The following TTN variants were observed in gnomAD, a reference collection of about 807,000 sequenced individuals.
The protein encoded by TTN is connectin.
TTN carries 1,525 observed loss-of-function variants against 3,223.0 expected under a neutral mutation model. The observed-to-expected ratio is 0.47, with a 90% CI of 0.45 to 0.49. The LOEUF (loss-of-function observed/expected upper bound fraction) is 0.49. TTN is among the 20% of genes least tolerant of loss of function. The probability of loss-of-function intolerance (pLI) is 0.00; values close to 1 mark genes in which losing one functional copy is unlikely to be tolerated. For missense variants in TTN, 40,786 were observed against 43,424.0 expected, an observed-to-expected ratio of 0.94 and a Z score of 5.40; for synonymous variants, 14,094 against 15,161.0, an observed-to-expected ratio of 0.93 and a Z score of 5.17.
At position 178,575,593 on chromosome 2, in the gene TTN, A is replaced by G; in HGVS notation, c.70539T>C (p.Asn23513=). ...CEYFFRVMAE[N]EYGIGEPTET... is the part of the protein sequence containing the mutation. ...CTGTTGGCTCACCAATTCCATATTCATTCTCTGCCATCACTCTGAAGAAAT... is the reference window on the plus strand; with the variant it reads ...CTGTTGGCTCACCAATTCCATATTCGTTCTCTGCCATCACTCTGAAGAAAT... The change falls in exon 326 of 363, where the codon AAT becomes AAC. Residue 23513 remains asparagine (N), a synonymous_variant. Transcript: ENST00000589042. This position sits in a 1 kb window ranked among gnomAD's most constrained non-coding sequence, Gnocchi z 4.0. 2.5e-6 allele frequency: 4 copies of G among 1,613,538 alleles called. No homozygotes were observed. The highest frequency in any genetic ancestry group is 3.4e-6 in the Non-Finnish European group (4 of 1,179,644).
intron 38 of TTN, among the ~76,000 whole-genome samples, chr2:178,768,365 T>G (rs961737417): frequency 6.6e-6 from 1 of 152,214 alleles, no homozygotes; most frequent in African/African-American, 2.4e-5. Context: ...ACTTTTCTAT[T>G]GTCTCCCCTG....
chr2:178,592,063 G>A lies in TTN; in HGVS notation c.59841C>T (p.Tyr19947=), dbSNP rs1413760246. 3 of 1,613,052 alleles carry A rather than the reference G, an allele frequency of 1.9e-6. No individual in the cohort carries two copies. Among genetic ancestry groups the A allele is most frequent in the South Asian group, 2.2e-5 (2 of 91,044 alleles). Residue 19947 remains tyrosine, a synonymous_variant, in exon 302 of 363, where the codon TAC becomes TAT. Coordinates refer to ENST00000589042, the MANE Select transcript of TTN (RefSeq NM_001267550.2). The stretch of plus-strand genomic sequence containing the variant: ...GGTTCTCCGCAGCTACTCGGAAGAG[G>A]TACTGGTTGCCTTCATTCAGATGCT... ...FAKHLNEGNQ[Y]LFRVAAENQY... is the part of the protein sequence containing the mutation.
intron 357 of TTN, 23 bp from the exon 358 acceptor site, chr2:178,535,872 AAG>A (rs1361452677): frequency 4.0e-6 from 6 of 1,513,210 alleles, no homozygotes; most frequent in Non-Finnish European, 5.3e-6. Context: ...AAAAAAAAAA[AAG>A]AATATAATTT....
chr2:178,729,752 A>G lies in TTN; in HGVS notation c.18501T>C (p.Gly6167=). Residue 6167 remains glycine (G), a synonymous_variant, in exon 63 of 363, where the codon GGT becomes GGC. Coordinates refer to ENST00000589042, the MANE Select transcript of TTN (RefSeq NM_001267550.2). ...AAGTCCCACTATTTTCTACCCTGGC[A>G]CCAGAAATCTGGAAAGTGGCTAAAC... ...IDGLATFQIS[G]ARVENSGTYV... is the part of the protein sequence containing the mutation. 1 of 1,613,712 alleles carries G rather than the reference A, an allele frequency of 6.2e-7. No individual in the cohort carries two copies. The highest frequency in any genetic ancestry group is 1.7e-4 in the Middle Eastern group (1 of 6,052).
In TTN at chr2:178,649,074, C is replaced by T. The variant is rs1469473; in HGVS notation, c.40057+174G>A. Among the ~76,000 whole-genome samples, 147,581 of 152,198 alleles carry T rather than the reference C, an allele frequency of 0.97. 71,743 individuals carry two copies. The highest frequency in any genetic ancestry group is 1 in the East Asian group (5,161 of 5,162). On this transcript the variant is annotated intron_variant, in intron 213 of 362. Coordinates refer to ENST00000589042, the MANE Select transcript of TTN (RefSeq NM_001267550.2). ...TATATCACAGCACAACTGAATCCCA[C>T]TCATTTTTTCACTCCTGCTTGTCTG...
rs1457976398 is a variant in TTN, at chr2:178,587,499, G to A, written c.63793+17C>T. 1 of 1,605,082 alleles carries A rather than the reference G, an allele frequency of 6.2e-7. No homozygotes were observed. The highest frequency in any genetic ancestry group is 8.5e-7 in the Non-Finnish European group (1 of 1,176,072). ...TTCATTTTTGAAGTGGGAGGGAGAA[G>A]CATTTTAGTAACCCACCTAATACTC... On this transcript the variant is annotated intron_variant, in intron 306 of 362. Transcript: ENST00000589042.
Position 178,532,835 on chromosome 2 carries a change from G to T in TTN, c.103780C>A (p.Arg34594Ser). 6.2e-7 allele frequency: 1 copy of T among 1,613,906 alleles called. No homozygotes were observed. The highest frequency in any genetic ancestry group is 8.5e-7 in the Non-Finnish European group (1 of 1,179,858). The change falls in exon 358 of 363, where the codon CGC becomes AGC. Residue 34594 changes from arginine to serine, a missense_variant. Physicochemically the swap from Arg to Ser is moderately radical, Grantham distance 110. Coordinates refer to ENST00000589042, the MANE Select transcript of TTN (RefSeq NM_001267550.2). ...LDRVVQKRPK[R>S]IRLSRWEQFY... ...TGTTCCCATCTTGAAAGGCGGATGC[G>T]CTTGGGTCGTTTCTGTACAACTCTG...
Position 178,605,004 on chromosome 2 carries a change from A to G in TTN, c.54173T>C (p.Val18058Ala). 1 of 1,597,646 alleles carries G rather than the reference A, an allele frequency of 6.3e-7. No individual in the cohort carries two copies. Among genetic ancestry groups the G allele is most frequent in the South Asian group, 1.1e-5 (1 of 88,712 alleles). Residue 18058 changes from valine (V) to alanine (A), a missense_variant, in exon 280 of 363, where the codon GTT (valine) becomes GCT (alanine). Val to Ala is a moderately conservative substitution (Grantham distance 64). Coordinates refer to ENST00000589042, the MANE Select transcript of TTN (RefSeq NM_001267550.2). ...SNRLGSVFRN[V>A]HVEVYDRPSP... is the part of the protein sequence containing the mutation. ...TCACTTACCATATACTTCAACGTGAACATTTCGGAACACTGAGCCAAGGCG... is the reference window on the plus strand; with the variant it reads ...TCACTTACCATATACTTCAACGTGAGCATTTCGGAACACTGAGCCAAGGCG...
Position 178,776,222 on chromosome 2 carries a change from A to G in TTN, c.5642T>C (p.Ile1881Thr), listed in dbSNP as rs1426496038. The G allele has an allele frequency of 1.2e-6, 2 of 1,614,010 alleles. No homozygotes were observed. The highest frequency in any genetic ancestry group is 2.7e-5 in the African/African-American group (2 of 74,910). Residue 1881 changes from isoleucine (I) to threonine (T), a missense_variant, in exon 28 of 363, where the codon ATC becomes ACC. Physicochemically the swap from Ile to Thr is moderately conservative, Grantham distance 89 (BLOSUM62 -1). Coordinates refer to ENST00000589042, the MANE Select transcript of TTN (RefSeq NM_001267550.2). ...KVNWYLNGQLIRKSKRFRVRY... is the reference protein window; with the variant it reads ...KVNWYLNGQLTRKSKRFRVRY... ...AACTCTGAACCTTTTGCTTTTGCGGATGAGCTGTCCATTGAGGTACCAGTT... is the reference window on the plus strand; with the variant it reads ...AACTCTGAACCTTTTGCTTTTGCGGGTGAGCTGTCCATTGAGGTACCAGTT...
Position 178,601,367 on chromosome 2 carries a change from G to C in TTN, c.55630C>G (p.Leu18544Val), listed in dbSNP as rs924109444. Residue 18544 changes from leucine (L) to valine (V), a missense_variant, in exon 287 of 363, where the codon CTC becomes GTC. Physicochemically the swap from Leu to Val is conservative, Grantham distance 32 (BLOSUM62 1). Coordinates refer to ENST00000589042, the MANE Select transcript of TTN (RefSeq NM_001267550.2). ...GSTTFVVPDL[L>V]SEQQYFFRVR... is the part of the protein sequence containing the mutation. ...CGGAAGAAATATTGCTGTTCAGAGA[G>C]GAGATCAGGCACTACAAATGTGGTG... The C allele has an allele frequency of 1.9e-6, 3 of 1,612,508 alleles. No individual in the cohort carries two copies.
In TTN at chr2:178,561,544, T is replaced by G. The variant is rs773466308; in HGVS notation, c.84588A>C (p.Arg28196Ser). 27 of 1,613,198 alleles carry G rather than the reference T, an allele frequency of 1.7e-5. No individual in the cohort carries two copies. Among genetic ancestry groups the G allele is most frequent in the African/African-American group, 2.7e-5 (2 of 74,908 alleles). The change falls in exon 326 of 363, where the codon AGA becomes AGC. Residue 28196 changes from arginine to serine, a missense_variant. Physicochemically the swap from Arg to Ser is moderately radical, Grantham distance 110 (BLOSUM62 -1). Transcript: ENST00000589042. Reference sequence around the variant, plus strand: ...TTGCTTTTGACCAAAGAATGCTGCTTCTTTCTTTATACTCAAGATGATAGC... The same window carrying G: ...TTGCTTTTGACCAAAGAATGCTGCTGCTTTCTTTATACTCAAGATGATAGC... ...VIGYHLEYKERSSILWSKANK... is the reference protein window; with the variant it reads ...VIGYHLEYKESSSILWSKANK...
In TTN at chr2:178,542,514, A is replaced by C; in HGVS notation, c.97242T>G (p.Ala32414=). The C allele has an allele frequency of 6.2e-7, 1 of 1,611,578 alleles. No homozygotes were observed. ...GTTCCCAGGAAATGGTAATTGATGT[A>C]GCATCAATTTCATCAATCTTAATAG... ...TGPIKIDEID[A]TSITISWEPP... is the part of the protein sequence containing the mutation. Residue 32414 remains alanine (A), a synonymous_variant, in exon 349 of 363, where the codon GCT becomes GCG. Transcript: ENST00000589042.
rs58651353 is a variant in TTN, at chr2:178,752,043, GAA to G, written c.11311+1079_11311+1080del. ...GATTCCCCCTCAGAGAATAATTCTG[GAA>G]AAAAAAAAAAAAACCTTTACTATTT... On this transcript the variant is annotated intron_variant, in intron 47 of 362. Transcript: ENST00000589042. The G allele has an allele frequency of 0.13, 175,957 of 1,358,708 alleles. 2,092 individuals carry two copies. The highest frequency in any genetic ancestry group is 0.14 in the Middle Eastern group (722 of 5,120). 84.2% of individuals were successfully genotyped at this position (1,358,708 alleles called of 1,614,324 possible).
At position 178,535,324 on chromosome 2, in the gene TTN, G is replaced by T. The variant is rs773542514; in HGVS notation, c.101291C>A (p.Ala33764Asp). 3 of 1,613,720 alleles carry T rather than the reference G, an allele frequency of 1.9e-6. No individual in the cohort carries two copies. The highest frequency in any genetic ancestry group is 1.6e-4 in the Middle Eastern group (1 of 6,084). The change falls in exon 358 of 363, where the codon GCT (alanine) becomes GAT (aspartate). Residue 33764 changes from alanine to aspartate, a missense_variant. Ala to Asp is a moderately radical substitution (Grantham distance 126). Coordinates refer to ENST00000589042, the MANE Select transcript of TTN (RefSeq NM_001267550.2). ...GKTSYQFRVIAENKFGLSKPS... is the reference protein window; with the variant it reads ...GKTSYQFRVIDENKFGLSKPS... ...CTTGCTCAGACCAAATTTATTTTCAGCTATTACCCGGAACTGGTAACTTGT... is the reference window on the plus strand; with the variant it reads ...CTTGCTCAGACCAAATTTATTTTCATCTATTACCCGGAACTGGTAACTTGT...
intron 311 of TTN, 98 bp downstream of exon 311, chr2:178,584,178 C>T (rs2048400931): frequency 2.9e-6 from 4 of 1,357,896 alleles, no homozygotes; most frequent in Admixed American, 2.3e-5. Context: ...ATCTCTACTA[C>T]TCTCTGTGTC....
In TTN at chr2:178,565,706, C is replaced by T. The variant is rs532522359; in HGVS notation, c.80426G>A (p.Gly26809Asp). ...AACAACGTACCCCAGGACTCTGCTA[C>T]CGCCATCATGTTCAGGTTTCTCCCA... Reference protein sequence around the residue: ...LMWEKPEHDGGSRVLGYVVEM... With the variant: ...LMWEKPEHDGDSRVLGYVVEM... Residue 26809 changes from glycine to aspartate, a missense_variant, in exon 326 of 363, where the codon GGT becomes GAT. Transcript: ENST00000589042. 1.9e-5 allele frequency: 31 copies of T among 1,613,616 alleles called. No homozygotes were observed. Among genetic ancestry groups the T allele is most frequent in the Middle Eastern group, 3.3e-4 (2 of 6,056 alleles).
rs750669364 is a variant in TTN at position 178,563,182 on chromosome 2, A to T, written c.82950T>A (p.Asn27650Lys). ...TTGCAGGTTCACCTACACCTTCAGAATTGATGGCACAAATACGGAAGTTAT... is the reference window on the plus strand; with the variant it reads ...TTGCAGGTTCACCTACACCTTCAGATTTGATGGCACAAATACGGAAGTTAT... ...TEYNFRICAINSEGVGEPATL... is the reference protein window; with the variant it reads ...TEYNFRICAIKSEGVGEPATL... The change falls in exon 326 of 363, where the codon AAT becomes AAA. Residue 27650 changes from asparagine (N) to lysine (K), a missense_variant. By Grantham distance (94) the Asn-to-Lys change is moderately conservative. Transcript: ENST00000589042. This position sits in a 1 kb window ranked among gnomAD's most constrained non-coding sequence, Gnocchi z 4.5. 5.6e-6 allele frequency: 9 copies of T among 1,613,722 alleles called. No individual in the cohort carries two copies. The highest frequency in any genetic ancestry group is 5.1e-6 in the Non-Finnish European group (6 of 1,179,714).
rs770682637 is a variant in TTN at position 178,731,846 on chromosome 2, G to T, written c.17029C>A (p.Leu5677Met). 2 of 1,613,788 alleles carry T rather than the reference G, an allele frequency of 1.2e-6. No homozygotes were observed. The highest frequency in any genetic ancestry group is 1.7e-6 in the Non-Finnish European group (2 of 1,179,742). The stretch of plus-strand genomic sequence containing the variant: ...GTCTTATACTTTCTACCACTTCGCA[G>T]GATTGTGTTATCTTTGAACCAAGTG... ...EITWFKDNTI[L>M]RSGRKYKTFI... The change falls in exon 58 of 363, where the codon CTG becomes ATG. Residue 5677 changes from leucine to methionine, a missense_variant. By Grantham distance (15) the Leu-to-Met change is conservative. Coordinates refer to ENST00000589042, the MANE Select transcript of TTN (RefSeq NM_001267550.2).
chr2:178,804,696 G>A, intron 1 of TTN, 41 bp from the exon 2 acceptor site: 2 of 1,578,258 alleles, frequency 1.3e-6, no homozygotes, highest in Non-Finnish European at 1.7e-6. Flanking sequence ...TCCCAGCTAA[G>A]GGTCACTCTG....
Sources: allele counts gnomAD v4.1 joint callset (sites outside exome capture counted in the v4.1 genomes callset), GRCh38; gene constraint gnomAD v4.1.1; non-coding constraint Gnocchi (gnomAD v3.1); transcripts MANE v1.5; gene names NCBI Gene and HGNC (gene_info 2026-07-23, HGNC 2026-07-21).